HS3ST3A1: variants seen among roughly 807,000 people sequenced by gnomAD.
HS3ST3A1 encodes the protein heparan sulfate-glucosamine 3-sulfotransferase 3A1, also known as heparan sulfate glucosamine 3-O-sulfotransferase 3A1.
In HS3ST3A1, 19 loss-of-function variants were observed where a neutral mutation model predicts 25.7. The observed-to-expected ratio is 0.74, with a 90% CI of 0.52 to 1.08. The LOEUF (loss-of-function observed/expected upper bound fraction) is 1.08, where lower values mean the gene tolerates loss of function less well. Among genes scored for constraint, HS3ST3A1 ranks in the 50% least tolerant of loss-of-function variants. The pLI is 0.00. For missense variants in HS3ST3A1, 459 were observed against 594.3 expected (o/e 0.77, Z 2.37); for synonymous variants, 226 against 278.6 (o/e 0.81, Z 1.88).
rs1203164538 is a variant in HS3ST3A1, at chr17:13,588,512, CTG to C, written c.599+12017_599+12018del. Among the ~76,000 whole-genome samples the C allele has an allele frequency of 5.3e-5, 8 of 152,228 alleles. No individual in the cohort carries two copies. In the South Asian group the frequency reaches 6.2e-4, roughly 12 times the overall value. On this transcript the variant is annotated intron_variant, in intron 1 of 1. Transcript: ENST00000284110. ...TGTACACTAGTCAACGTTTTTCAAA[CTG>C]TTTTTTTCTATTGGGATCCACTATA...
intron 1 of HS3ST3A1, among the ~76,000 whole-genome samples, chr17:13,510,696 TCA>T (rs1313078726): frequency 1.3e-5 from 2 of 149,052 alleles, no homozygotes; most frequent in Non-Finnish European, 3.0e-5. Flanking sequence ...TGTGAATATC[TCA>T]GTGTCCTTGA....
intron 1 of HS3ST3A1, among the ~76,000 whole-genome samples, chr17:13,597,472 T>C (rs1908608057): frequency 6.6e-6 from 1 of 152,092 alleles, no homozygotes; most frequent in Non-Finnish European, 1.5e-5. Context: ...ACAAGAGAAA[T>C]GGACACTATT....
intron 1 of HS3ST3A1, among the ~76,000 whole-genome samples, chr17:13,532,805 G>A (rs1422604855): frequency 6.7e-6 from 1 of 149,086 alleles, no homozygotes; most frequent in Non-Finnish European, 1.5e-5. Flanking sequence ...TATCATCTTT[G>A]TTGAGTATTT....
chr17:13,569,384 A>G (rs1907749165), intron 1 of HS3ST3A1, among the ~76,000 whole-genome samples: 1 of 152,192 alleles, frequency 6.6e-6, no homozygotes, highest in Non-Finnish European at 1.5e-5. Flanking sequence ...TTATTGCTGG[A>G]AATGTTTCTG....
chr17:13,579,306 A>G (rs1045634725), intron 1 of HS3ST3A1, among the ~76,000 whole-genome samples: 4 of 152,210 alleles, frequency 2.6e-5, no homozygotes, highest in Admixed American at 2.0e-4. Context: ...CAATATTAGA[A>G]ATAACATTAC....
At chr17:13,544,871 C>T (rs922780262) in intron 1 of HS3ST3A1, among the ~76,000 whole-genome samples, 1 of 151,990 alleles carries the variant, frequency 6.6e-6, no homozygotes, top group African/African-American at 2.4e-5. Flanking sequence ...GGGCGTTGTG[C>T]TAATCTGATT....
chr17:13,553,736 CAT>C (rs1367540264), intron 1 of HS3ST3A1, among the ~76,000 whole-genome samples: 1 of 152,152 alleles, frequency 6.6e-6, no homozygotes, highest in African/African-American at 2.4e-5. Context: ...TCTTTCTAGA[CAT>C]GTGAAATAAT....
chr17:13,561,515 G>A (rs1907549113), intron 1 of HS3ST3A1, among the ~76,000 whole-genome samples: 1 of 151,826 alleles, frequency 6.6e-6, no homozygotes, highest in African/African-American at 2.4e-5. Context: ...GCCTCCCAAG[G>A]AGCTGGGATT....
At chr17:13,518,339 G>C (rs1487413807) in intron 1 of HS3ST3A1, among the ~76,000 whole-genome samples, 1 of 152,176 alleles carries the variant, frequency 6.6e-6, no homozygotes, top group African/African-American at 2.4e-5. Flanking sequence ...AAAAGATTGA[G>C]TTACATCTGT....
At chr17:13,595,824 C>T (rs11870605) in intron 1 of HS3ST3A1, among the ~76,000 whole-genome samples, 19,579 of 149,468 alleles carry the variant, frequency 0.13, 2,660 homozygotes, top group African/African-American at 0.35. Context: ...AACTGTGTCC[C>T]GGAGAGATAC....
intron 1 of HS3ST3A1, among the ~76,000 whole-genome samples, chr17:13,513,259 G>T (rs1905937294): frequency 1.3e-5 from 2 of 152,258 alleles, no homozygotes; most frequent in South Asian, 4.1e-4. Flanking sequence ...CAGCAGAAAT[G>T]CTGCAGACGC....
chr17:13,522,530 T>C (rs1004001292), intron 1 of HS3ST3A1, among the ~76,000 whole-genome samples: 1 of 152,214 alleles, frequency 6.6e-6, no homozygotes, highest in African/African-American at 2.4e-5. Flanking sequence ...TTAGGGAGTC[T>C]ATATGCTGAA....
At chr17:13,599,578 C>A (rs886550719) in intron 1 of HS3ST3A1, among the ~76,000 whole-genome samples, 7 of 151,778 alleles carry the variant, frequency 4.6e-5, no homozygotes. Context: ...TTTACTGGTA[C>A]TTTGAAGAAA....
chr17:13,551,515 C>G (rs1009290693), intron 1 of HS3ST3A1, among the ~76,000 whole-genome samples: 1 of 150,878 alleles, frequency 6.6e-6, no homozygotes, highest in Non-Finnish European at 1.5e-5. Flanking sequence ...TATCACTGTC[C>G]TGTTCAGAAG....
At chr17:13,547,523 G>GTTCA (rs959877793) in intron 1 of HS3ST3A1, among the ~76,000 whole-genome samples, 1 of 152,166 alleles carries the variant, frequency 6.6e-6, no homozygotes, top group Non-Finnish European at 1.5e-5. Flanking sequence ...AACAACCAGG[G>GTTCA]TTCAGAAAGC....
intron 1 of HS3ST3A1, among the ~76,000 whole-genome samples, chr17:13,519,318 T>G (rs1030354524): frequency 5.3e-5 from 8 of 152,234 alleles, no homozygotes; most frequent in African/African-American, 1.7e-4. Context: ...TGGCTTTTGT[T>G]CTTATCTATC....
chr17:13,501,668 G>C (rs540025917), intron 1 of HS3ST3A1, among the ~76,000 whole-genome samples: 1 of 152,126 alleles, frequency 6.6e-6, no homozygotes, highest in Non-Finnish European at 1.5e-5. Context: ...GGAAAATCAA[G>C]CCAAAGGTTC....
At chr17:13,545,202 C>A (rs1190551171) in intron 1 of HS3ST3A1, among the ~76,000 whole-genome samples, 1 of 152,134 alleles carries the variant, frequency 6.6e-6, no homozygotes, top group South Asian at 2.1e-4. Flanking sequence ...AAATATCGGG[C>A]CTTACCCAGA....
intron 1 of HS3ST3A1, among the ~76,000 whole-genome samples, chr17:13,595,771 G>A (rs1273763652): frequency 6.6e-6 from 1 of 152,128 alleles, no homozygotes; most frequent in East Asian, 1.9e-4. Flanking sequence ...TCCCGACTGG[G>A]CCCAGCAATT....
Sources: allele counts gnomAD v4.1 joint callset (sites outside exome capture counted in the v4.1 genomes callset), GRCh38; gene constraint gnomAD v4.1.1; transcripts MANE v1.5; gene names NCBI Gene and HGNC (gene_info 2026-07-23, HGNC 2026-07-21).